Variants in KSR1 observed in about 807,000 individuals in gnomAD.
KSR1 encodes the protein kinase suppressor of ras 1.
In KSR1, 35 loss-of-function variants were observed where a neutral mutation model predicts 92.9. The observed-to-expected ratio is 0.38, with a 90% CI of 0.29 to 0.50. The LOEUF is 0.50. Ranked by LOEUF, KSR1 falls within the 20% of genes least tolerant of loss-of-function variation. KSR1 has a pLI of 0.94. For synonymous variants in KSR1, 467 were observed against 472.6 expected, an observed-to-expected ratio of 0.99 and a Z score of 0.15; for missense variants, 972 against 1,158.5, an observed-to-expected ratio of 0.84 and a Z score of 2.34.
Position 27,456,684 on chromosome 17 carries a change from A to T in KSR1, c.41A>T (p.Lys14Met), listed in dbSNP as rs760268155. ...CTGCGCGCGGCGGCGATGGGAGAGA[A>T]GAAGGAGGGCGGTGGCGGGGGGGAT... is the stretch of plus-strand genomic sequence containing the variant. Reference protein sequence around the residue: ...AALRAAAMGEKKEGGGGGDAA... With the variant: ...AALRAAAMGEMKEGGGGGDAA... Residue 14 changes from lysine (K) to methionine (M), a missense_variant, in exon 1 of 21, where the codon AAG (lysine) becomes ATG (methionine). By Grantham distance (95) the Lys-to-Met change is moderately conservative. Around this residue, in one of 5 missense-constraint regions of KSR1, gnomAD observed 36 missense variants for 16.0 expected, o/e 2.25. Coordinates refer to ENST00000644974, the MANE Select transcript of KSR1 (RefSeq NM_001394583.1). The T allele has an allele frequency of 9.8e-6, 7 of 714,198 alleles. No homozygotes were observed. The highest frequency in any genetic ancestry group is 1.7e-5 in the Non-Finnish European group (7 of 419,022). 44.2% of individuals were successfully genotyped at this position (714,198 alleles called of 1,614,324 possible). A position where few individuals can be genotyped will look rare whatever the true frequency, so the allele number is the denominator to read the frequency against.
chr17:27,548,694 G>A (rs939189860), intron 1 of KSR1, among the ~76,000 whole-genome samples: 41 of 152,256 alleles, frequency 2.7e-4, no homozygotes, highest in Non-Finnish European at 4.1e-4. Context: ...GCCCTTTATG[G>A]TGGCATGCGC....
chr17:27,555,235 G>A, intron 2 of KSR1, among the ~76,000 whole-genome samples: 1 of 152,302 alleles, frequency 6.6e-6, no homozygotes, highest in Non-Finnish European at 1.5e-5. Flanking sequence ...GGTATGAGGG[G>A]TAGGTGGGTT....
chr17:27,619,662 G>A (rs188389702), intron 19 of KSR1, among the ~76,000 whole-genome samples: 1 of 152,012 alleles, frequency 6.6e-6, no homozygotes, highest in Non-Finnish European at 1.5e-5. Context: ...CTCCCAAAGT[G>A]CTGGGATTAC....
intron 18 of KSR1, chr17:27,612,464 C>T (rs1291662574): frequency 6.6e-6 from 1 of 152,152 alleles, no homozygotes; most frequent in Non-Finnish European, 1.5e-5. Context: ...TTTTTGCAGT[C>T]TTTAGTGGTA....
At chr17:27,588,338 A>T (rs1193001706) in intron 5 of KSR1, 137 bp from the exon 6 acceptor site, 4 of 655,950 alleles carry the variant, frequency 6.1e-6, no homozygotes, top group Non-Finnish European at 9.8e-6. Flanking sequence ...GTGTTGATGG[A>T]CATAGATCAG....
chr17:27,457,014 A>T, intron 1 of KSR1, 140 bp downstream of exon 1: 3 of 645,626 alleles, frequency 4.6e-6, no homozygotes, highest in Middle Eastern at 4.0e-4. Context: ...GCACTCGCTG[A>T]TGCGGCAGCC....
intron 1 of KSR1, among the ~76,000 whole-genome samples, chr17:27,530,408 G>A (rs565509783): frequency 4.0e-4 from 60 of 151,720 alleles, no homozygotes; most frequent in East Asian, 1.7e-3. Flanking sequence ...TTACACCACC[G>A]CACTCCAGCC....
chr17:27,584,479 A>G lies in KSR1; in HGVS notation c.981-1178A>G, dbSNP rs141131132. On this transcript the variant is annotated intron_variant, in intron 4 of 20. Coordinates refer to ENST00000644974, the MANE Select transcript of KSR1 (RefSeq NM_001394583.1). ...CTGGGTCCCACCCAGAAGGGGCTGT[A>G]GAATGCAGTGATGATGGCCACACGA... Among the ~76,000 whole-genome samples, 184 of 152,334 alleles carry G rather than the reference A, an allele frequency of 1.2e-3. 1 individual carries two copies. The highest frequency in any genetic ancestry group is 4.3e-3 in the African/African-American group (180 of 41,574).
intron 1 of KSR1, among the ~76,000 whole-genome samples, chr17:27,466,537 C>T (rs755039344): frequency 6.6e-6 from 1 of 152,190 alleles, no homozygotes; most frequent in African/African-American, 2.4e-5. Context: ...ATGGTCTGCT[C>T]AGTGTCTACC....
At chr17:27,590,929 A>G in intron 7 of KSR1, 35 bp downstream of exon 7, 4 of 1,557,530 alleles carry the variant, frequency 2.6e-6, no homozygotes, top group Middle Eastern at 1.7e-4. Flanking sequence ...GGGGGAGCAG[A>G]CACTTTTAGT....
At chr17:27,488,309 A>C (rs1214460532) in intron 1 of KSR1, among the ~76,000 whole-genome samples, 1 of 152,132 alleles carries the variant, frequency 6.6e-6, no homozygotes, top group Non-Finnish European at 1.5e-5. Context: ...AAGTGAGAAT[A>C]TGCTATTTAT....
At chr17:27,526,576 A>G in intron 1 of KSR1, 2 of 1,594,448 alleles carry the variant, frequency 1.3e-6, no homozygotes, top group Non-Finnish European at 1.7e-6. Flanking sequence ...ATTCATTTGT[A>G]TCAGTTGCAA....
chr17:27,491,272 A>G (rs1007302204), intron 1 of KSR1, among the ~76,000 whole-genome samples: 258 of 139,776 alleles, frequency 1.8e-3, no homozygotes, highest in African/African-American at 6.7e-3. Context: ...CTATAGGCTC[A>G]TGCCACCAAT....
chr17:27,617,505 G>T, intron 19 of KSR1, 77 bp downstream of exon 19: 1 of 1,510,782 alleles, frequency 6.6e-7, no homozygotes, highest in South Asian at 1.2e-5. Flanking sequence ...GGCACCTTCT[G>T]ATCTTTCTGC....
chr17:27,517,535 A>G (rs987344011), intron 1 of KSR1, among the ~76,000 whole-genome samples: 2 of 152,134 alleles, frequency 1.3e-5, no homozygotes, highest in African/African-American at 4.8e-5. Flanking sequence ...AGCTCAAGCA[A>G]TCCGCCCACC....
chr17:27,475,906 T>C (rs960902454), intron 1 of KSR1, among the ~76,000 whole-genome samples: 7 of 152,172 alleles, frequency 4.6e-5, no homozygotes, highest in African/African-American at 1.2e-4. Context: ...GTATTTAAGA[T>C]TGCATGTATG....
In KSR1 at chr17:27,619,691, C is replaced by A. The variant is rs144274357; in HGVS notation, c.2628-1502C>A. Among the ~76,000 whole-genome samples, 688 of 151,674 alleles carry A rather than the reference C, an allele frequency of 4.5e-3. 11 individuals carry two copies. Among genetic ancestry groups the A allele is most frequent in the African/African-American group, 0.016 (654 of 41,366 alleles). On this transcript the variant is annotated intron_variant, in intron 19 of 20. Coordinates refer to ENST00000644974, the MANE Select transcript of KSR1 (RefSeq NM_001394583.1). ...GGATTACAGTCGTGAGCCACTGCACCCAGCCTCCAGGCCTTGTCTTTTATT... is the reference window on the plus strand; with the variant it reads ...GGATTACAGTCGTGAGCCACTGCACACAGCCTCCAGGCCTTGTCTTTTATT...
intron 1 of KSR1, among the ~76,000 whole-genome samples, chr17:27,533,459 C>A (rs575725571): frequency 8.6e-5 from 13 of 151,864 alleles, no homozygotes; most frequent in South Asian, 4.2e-4. Flanking sequence ...TCTTGGCTCA[C>A]TGCAACCTCT....
intron 17 of KSR1, 131 bp downstream of exon 17, chr17:27,610,329 G>A: frequency 4.0e-6 from 5 of 1,258,254 alleles, no homozygotes; most frequent in Non-Finnish European, 5.5e-6. Flanking sequence ...TCAACCTTGA[G>A]TCCTGGCTCT....
Sources: gnomAD v4.1 joint callset for allele counts (sites outside exome capture counted in the v4.1 genomes callset) on GRCh38, gnomAD v4.1.1 for gene constraint, gnomAD v4.1.1 regional missense constraint, MANE v1.5 for transcripts, NCBI Gene and HGNC (gene_info 2026-07-23, HGNC 2026-07-21) for gene names.